The following ROBO2 variants were observed in gnomAD, a reference collection of about 807,000 sequenced individuals.
ROBO2 encodes roundabout homolog 2.
A neutral mutation model predicts 160.8 loss-of-function variants in ROBO2; 53 were observed. The ratio of observed to expected loss-of-function variants is 0.33; its 90% CI spans 0.26 to 0.41. The LOEUF (loss-of-function observed/expected upper bound fraction) is 0.41. ROBO2 is among the 10% of genes least tolerant of loss of function. The pLI, the probability that ROBO2 is intolerant of heterozygous loss-of-function variation, is 1.00. For missense variants in ROBO2, 1,577 were observed against 1,722.4 expected, an observed-to-expected ratio of 0.92 and a Z score of 1.49; for synonymous variants, 664 against 611.7, an observed-to-expected ratio of 1.09 and a Z score of -1.26.
intron 8 of ROBO2, among the ~76,000 whole-genome samples, chr3:77,556,577 A>T (rs2153657680): frequency 6.6e-6 from 1 of 152,006 alleles, no homozygotes; most frequent in South Asian, 2.1e-4. Context: ...TATGAACTCT[A>T]GTAAATATGA....
intron 2 of ROBO2, among the ~76,000 whole-genome samples, chr3:77,185,463 A>G (rs1017664087): frequency 3.3e-5 from 5 of 151,998 alleles, no homozygotes; most frequent in African/African-American, 9.7e-5. Context: ...CAAAACCACA[A>G]TGTAATACCA....
At chr3:77,143,322 G>A (rs1407388860) in intron 2 of ROBO2, among the ~76,000 whole-genome samples, 2 of 151,392 alleles carry the variant, frequency 1.3e-5, no homozygotes, top group African/African-American at 2.4e-5. Context: ...AGCCTCCCGA[G>A]TAGCTGGGAC....
intron 2 of ROBO2, among the ~76,000 whole-genome samples, chr3:76,792,133 TA>T (rs1560569486): frequency 6.6e-6 from 1 of 151,880 alleles, no homozygotes; most frequent in East Asian, 1.9e-4. Flanking sequence ...CAACCAAAAA[TA>T]TTTTTTAAGT....
chr3:77,301,492 A>C (rs2062653946), intron 2 of ROBO2, among the ~76,000 whole-genome samples: 1 of 152,208 alleles, frequency 6.6e-6, no homozygotes, highest in Admixed American at 6.5e-5. Flanking sequence ...ATAGAATAAT[A>C]TAAATATACA....
intron 2 of ROBO2, among the ~76,000 whole-genome samples, chr3:76,684,168 A>C (rs1193356667): frequency 6.6e-6 from 1 of 151,860 alleles, no homozygotes; most frequent in Non-Finnish European, 1.5e-5. Flanking sequence ...CAAACAAAAA[A>C]CCCATCATAC....
intron 1 of ROBO2, among the ~76,000 whole-genome samples, chr3:77,069,137 T>A (rs1158107232): frequency 6.6e-6 from 1 of 152,144 alleles, no homozygotes; most frequent in African/African-American, 2.4e-5. Context: ...AGAGAGAGTG[T>A]GCTGATCTCT....
chr3:76,453,403 A>C (rs1577303613), intron 2 of ROBO2, among the ~76,000 whole-genome samples: 1 of 152,224 alleles, frequency 6.6e-6, no homozygotes, highest in East Asian at 1.9e-4. Context: ...ATGGCTAGCC[A>C]GTTTTCCCAG....
At chr3:76,893,628 G>T (rs1245843063) in intron 2 of ROBO2, among the ~76,000 whole-genome samples, 2 of 151,728 alleles carry the variant, frequency 1.3e-5, no homozygotes, top group Admixed American at 6.6e-5. Context: ...GGTGTTTAAG[G>T]TATCCATGAA....
At chr3:77,519,123 A>G (rs889702260) in intron 5 of ROBO2, among the ~76,000 whole-genome samples, 1 of 151,430 alleles carries the variant, frequency 6.6e-6, no homozygotes, top group African/African-American at 2.4e-5. Flanking sequence ...GTAATATTTA[A>G]TTTTAACTTT....
chr3:76,150,504 A>T (rs1396228631), intron 2 of ROBO2, among the ~76,000 whole-genome samples: 1 of 151,972 alleles, frequency 6.6e-6, no homozygotes, highest in Non-Finnish European at 1.5e-5. Context: ...TGTCTAAAAC[A>T]CACATTTGTC....
At chr3:77,425,030 G>A (rs754194849) in intron 2 of ROBO2, among the ~76,000 whole-genome samples, 5 of 152,106 alleles carry the variant, frequency 3.3e-5, no homozygotes, top group African/African-American at 9.7e-5. Flanking sequence ...TATATATGAC[G>A]TAGTATTTGA....
intron 17 of ROBO2, among the ~76,000 whole-genome samples, chr3:77,591,705 G>A (rs971607143): frequency 2.0e-5 from 3 of 152,118 alleles, no homozygotes; most frequent in Non-Finnish European, 4.4e-5. Context: ...GAGAGTCACA[G>A]TTATTCCATA....
intron 2 of ROBO2, among the ~76,000 whole-genome samples, chr3:77,431,972 A>G (rs1034259331): frequency 6.6e-6 from 1 of 152,184 alleles, no homozygotes; most frequent in African/African-American, 2.4e-5. Flanking sequence ...TCCTGGAATT[A>G]AGCTAAAGAT....
intron 2 of ROBO2, among the ~76,000 whole-genome samples, chr3:76,389,790 T>A (rs995499084): frequency 3.9e-5 from 6 of 152,186 alleles, no homozygotes; most frequent in African/African-American, 1.4e-4. Context: ...ATATTAAAAT[T>A]AAGTTTCATC....
intron 2 of ROBO2, among the ~76,000 whole-genome samples, chr3:77,424,639 T>A (rs934495642): frequency 6.6e-6 from 1 of 152,218 alleles, no homozygotes; most frequent in Non-Finnish European, 1.5e-5. Context: ...CAATTTGTAA[T>A]GTAAAGGTTC....
intron 2 of ROBO2, among the ~76,000 whole-genome samples, chr3:77,392,877 C>A (rs1314652621): frequency 1.3e-5 from 2 of 152,132 alleles, no homozygotes; most frequent in East Asian, 3.9e-4. Flanking sequence ...ACATACGAAA[C>A]AAATCTTGAA....
intron 19 of ROBO2, 35 bp from the exon 21 acceptor site, chr3:77,602,175 C>G (rs2094442037): frequency 6.2e-7 from 1 of 1,612,658 alleles, no homozygotes; most frequent in Non-Finnish European, 8.5e-7. Flanking sequence ...TCCGGTGCCT[C>G]ATTAAATTGT....
At chr3:77,529,753 T>C (rs2091486004) in intron 6 of ROBO2, among the ~76,000 whole-genome samples, 1 of 151,912 alleles carries the variant, frequency 6.6e-6, no homozygotes, top group Admixed American at 6.6e-5. Context: ...ACATTGTACT[T>C]TATTCTGGGG....
At chr3:76,435,914 G>C (rs544388642) in intron 2 of ROBO2, among the ~76,000 whole-genome samples, 1 of 152,250 alleles carries the variant, frequency 6.6e-6, no homozygotes, top group African/African-American at 2.4e-5. Context: ...CGAGGCAGGG[G>C]TTGCACTGGA....
Sources: gnomAD v4.1 joint callset for allele counts (sites outside exome capture counted in the v4.1 genomes callset) on GRCh38, gnomAD v4.1.1 for gene constraint, MANE v1.5 for transcripts, NCBI Gene and HGNC (gene_info 2026-07-23, HGNC 2026-07-21) for gene names.